ITPR2: variants seen among roughly 807,000 people sequenced by gnomAD.
ITPR2 encodes inositol 1,4,5-trisphosphate-gated calcium channel ITPR2.
A neutral mutation model predicts 317.1 loss-of-function variants in ITPR2; 207 were observed. That is an observed-to-expected ratio of 0.65 (90% CI 0.58 to 0.73). The LOEUF (loss-of-function observed/expected upper bound fraction) is 0.73. ITPR2 is among the 30% of genes least tolerant of loss of function. ITPR2 has a pLI of 0.00. For missense variants in ITPR2, 2,613 were observed against 3,284.0 expected, an observed-to-expected ratio of 0.80 and a Z score of 4.99; for synonymous variants, 1,156 against 1,149.1, an observed-to-expected ratio of 1.01 and a Z score of -0.12.
intron 50 of ITPR2, among the ~76,000 whole-genome samples, chr12:26,415,744 C>T (rs1294801397): frequency 2.0e-5 from 3 of 152,152 alleles, no homozygotes; most frequent in Non-Finnish European, 4.4e-5. Flanking sequence ...TCAAAACCAA[C>T]ATAATATCAA....
rs751234698 is a variant in ITPR2, at chr12:26,722,535, G to A, written c.387C>T (p.Asn129=). 40 of 1,611,956 alleles carry A rather than the reference G, an allele frequency of 2.5e-5. No homozygotes were observed. In the Admixed American group the frequency reaches 4.7e-4, roughly 19 times the overall value. The change falls in exon 5 of 57, where the codon AAC becomes AAT. Residue 129 remains asparagine (N), a synonymous_variant. Coordinates refer to ENST00000381340, the MANE Select transcript of ITPR2 (RefSeq NM_002223.4). ...ATCTCTTGTTGACAGTAAGATATTT[G>A]TTGCTTTTTATATGCAGTAGCTATA... The part of the protein sequence containing the change: ...NVIQLLHIKS[N]KYLTVNKRLP...
At chr12:26,788,797 T>C (rs181960372) in intron 2 of ITPR2, among the ~76,000 whole-genome samples, 1 of 152,304 alleles carries the variant, frequency 6.6e-6, no homozygotes, top group Admixed American at 6.5e-5. Flanking sequence ...TCCTCAGATC[T>C]CTCCTCCAGA....
At chr12:26,461,793 C>A (rs975094408) in intron 45 of ITPR2, among the ~76,000 whole-genome samples, 6 of 151,492 alleles carry the variant, frequency 4.0e-5, no homozygotes, top group Admixed American at 2.6e-4. Context: ...TTTCACATCT[C>A]TAAAATTGAT....
At chr12:26,800,294 C>T (rs1436900860) in intron 1 of ITPR2, among the ~76,000 whole-genome samples, 1 of 152,020 alleles carries the variant, frequency 6.6e-6, no homozygotes, top group Non-Finnish European at 1.5e-5. Flanking sequence ...AATATGAACT[C>T]AAATATTTTA....
chr12:26,495,280 A>G lies in ITPR2; in HGVS notation c.5074-20T>C. ...GTTACCCTAATAAGAAGGATAACAA[A>G]GAGTTACTGTTCCCTTTTCTAATAA... is the stretch of plus-strand genomic sequence containing the variant. On this transcript the variant is annotated intron_variant, in intron 37 of 56. Transcript: ENST00000381340. 2.3e-6 allele frequency: 3 copies of G among 1,300,792 alleles called. No homozygotes were observed. The highest frequency in any genetic ancestry group is 3.3e-6 in the Non-Finnish European group (3 of 904,830). The allele number at this position is 1,300,792 out of a possible 1,614,324, so 80.6% of individuals were successfully genotyped here. A position where few individuals can be genotyped will look rare whatever the true frequency, so the allele number is the denominator to read the frequency against.
intron 52 of ITPR2, among the ~76,000 whole-genome samples, chr12:26,408,580 G>A (rs1230086978): frequency 6.6e-6 from 1 of 152,124 alleles, no homozygotes; most frequent in East Asian, 1.9e-4. Context: ...GGCCCTGGCA[G>A]TTCTCTCTCT....
intron 9 of ITPR2, among the ~76,000 whole-genome samples, chr12:26,709,116 T>A (rs969280528): frequency 6.6e-6 from 1 of 152,150 alleles, no homozygotes. Flanking sequence ...TTGTCCCAAC[T>A]GACATAGAAA....
At chr12:26,594,925 C>A (rs1945803596) in intron 32 of ITPR2, among the ~76,000 whole-genome samples, 1 of 152,152 alleles carries the variant, frequency 6.6e-6, no homozygotes, top group South Asian at 2.1e-4. Context: ...ACAAAACAAA[C>A]AGTAATAAGC....
rs761937182 is a variant in ITPR2 at position 26,658,064 on chromosome 12, G to A, written c.1953C>T (p.Leu651=). ...CTGGACTCAACATAAATTTACAGATGAGTTCTTGAGTTACAGGGATAGCAG... is the reference window on the plus strand; with the variant it reads ...CTGGACTCAACATAAATTTACAGATAAGTTCTTGAGTTACAGGGATAGCAG... ...NTTAIPVTQE[L]ICKFMLSPGN... The change falls in exon 17 of 57, where the codon CTC becomes CTT. Residue 651 remains leucine (L), a synonymous_variant. Coordinates refer to ENST00000381340, the MANE Select transcript of ITPR2 (RefSeq NM_002223.4). 1.9e-6 allele frequency: 3 copies of A among 1,612,828 alleles called. No homozygotes were observed. Among genetic ancestry groups the A allele is most frequent in the Non-Finnish European group, 2.5e-6 (3 of 1,179,170 alleles).
intron 21 of ITPR2, among the ~76,000 whole-genome samples, chr12:26,649,826 CAG>C (rs1947204685): frequency 7.6e-6 from 1 of 132,290 alleles, no homozygotes; most frequent in Non-Finnish European, 1.6e-5. Context: ...GATAGATAGA[CAG>C]ACAGACAGAT....
At chr12:26,728,015 C>T (rs980832323) in intron 2 of ITPR2, among the ~76,000 whole-genome samples, 1 of 151,976 alleles carries the variant, frequency 6.6e-6, no homozygotes, top group Non-Finnish European at 1.5e-5. Flanking sequence ...ACCACTGAAG[C>T]GGCAAGATAA....
chr12:26,726,027 C>A, intron 2 of ITPR2: 1 of 304,820 alleles, frequency 3.3e-6, no homozygotes, highest in Non-Finnish European at 6.1e-6. Flanking sequence ...GAAATCAAAC[C>A]CATGTAATTG....
intron 21 of ITPR2, among the ~76,000 whole-genome samples, chr12:26,636,832 A>T (rs1946876042): frequency 1.3e-5 from 2 of 152,276 alleles, no homozygotes; most frequent in South Asian, 4.1e-4. Context: ...TGGGAGACGA[A>T]TTCCAGTTTA....
In ITPR2 at chr12:26,356,223, T is replaced by C. The variant is rs1233764975; in HGVS notation, c.7858-15895A>G. 2.6e-5 allele frequency among the ~76,000 whole-genome samples: 4 copies of C among 152,174 alleles called. No individual in the cohort carries two copies. In the South Asian group the frequency reaches 6.2e-4, roughly 24 times the overall value. On this transcript the variant is annotated intron_variant, in intron 55 of 56. Coordinates refer to ENST00000381340, the MANE Select transcript of ITPR2 (RefSeq NM_002223.4). ...GCATTTCACTGTCACCACCAATGAA[T>C]TGACAGCTGGCTAGATGGGTCCCAG...
intron 37 of ITPR2, among the ~76,000 whole-genome samples, chr12:26,545,238 C>A (rs1012080481): frequency 6.6e-6 from 1 of 152,102 alleles, no homozygotes; most frequent in Admixed American, 6.6e-5. Context: ...AAAAGGGATT[C>A]GGCAGGTGTG....
chr12:26,567,953 TA>T (rs1490469117), intron 34 of ITPR2, among the ~76,000 whole-genome samples: 1 of 5,812 alleles, frequency 1.7e-4, no homozygotes, highest in African/African-American at 5.0e-4. Context: ...ATATATATTA[TA>T]TATATATATA....
At chr12:26,513,773 CACACAT>C (rs983262145) in intron 37 of ITPR2, among the ~76,000 whole-genome samples, 33 of 132,178 alleles carry the variant, frequency 2.5e-4, no homozygotes, top group Admixed American at 4.7e-4. Flanking sequence ...CACACACACA[CACACAT>C]GCAACCCTAC....
At chr12:26,615,038 G>C (rs983163005) in intron 26 of ITPR2, among the ~76,000 whole-genome samples, 4 of 152,230 alleles carry the variant, frequency 2.6e-5, no homozygotes, top group Admixed American at 6.5e-5. Flanking sequence ...CGGAGAAAGA[G>C]AGAGGAGAAG....
intron 37 of ITPR2, among the ~76,000 whole-genome samples, chr12:26,516,074 T>C (rs1591847250): frequency 6.7e-6 from 1 of 149,742 alleles, no homozygotes; most frequent in African/African-American, 2.5e-5. Context: ...CAGTGAGCCA[T>C]GATTGCACCA....
Sources: allele counts gnomAD v4.1 joint callset (sites outside exome capture counted in the v4.1 genomes callset), GRCh38; gene constraint gnomAD v4.1.1; transcripts MANE v1.5; gene names NCBI Gene and HGNC (gene_info 2026-07-23, HGNC 2026-07-21).